Variants in FYN observed in about 807,000 individuals in gnomAD.
The protein encoded by FYN is FYN proto-oncogene, Src family tyrosine kinase.
In FYN, 10 loss-of-function variants were observed where a neutral mutation model predicts 70.2. The ratio of observed to expected loss-of-function variants is 0.14; its 90% CI spans 0.09 to 0.24. FYN has a LOEUF of 0.24. Ranked by LOEUF, FYN falls within the 10% of genes least tolerant of loss-of-function variation. The pLI is 1.00. For missense variants in FYN, 319 were observed against 673.1 expected (o/e 0.47, Z 5.82); for synonymous variants, 236 against 248.6 (o/e 0.95, Z 0.48).
chr6:111,780,266 T>C (rs1771123607), intron 3 of FYN, among the ~76,000 whole-genome samples: 1 of 152,340 alleles, frequency 6.6e-6, no homozygotes, highest in African/African-American at 2.4e-5. Flanking sequence ...ACTCTTATAT[T>C]ATATGGCTGG....
rs1798447658 is a variant in FYN, at chr6:111,674,451, A to G, written c.1405+48T>C. ...GGATGAAGTTTTCCCAAATGGTGTCAAAAAAGCCTCCAATCTCAGGCCCAT... is the reference window on the plus strand; with the variant it reads ...GGATGAAGTTTTCCCAAATGGTGTCGAAAAAGCCTCCAATCTCAGGCCCAT... On this transcript the variant is annotated intron_variant, in intron 13 of 13. Transcript: ENST00000354650. 6.4e-6 allele frequency: 10 copies of G among 1,560,480 alleles called. No homozygotes were observed. The East Asian group carries it at 2.3e-4, about 36-fold the overall frequency.
intron 2 of FYN, among the ~76,000 whole-genome samples, chr6:111,833,877 T>C (rs952051857): frequency 2.0e-5 from 3 of 152,190 alleles, no homozygotes; most frequent in African/African-American, 4.8e-5. Flanking sequence ...AGAATGTTCA[T>C]AGCACACTAT....
intron 2 of FYN, among the ~76,000 whole-genome samples, chr6:111,842,514 A>ATGTCCGC (rs1773393244): frequency 6.6e-6 from 1 of 152,092 alleles, no homozygotes. Flanking sequence ...TACACCCCAA[A>ATGTCCGC]GCCAATGTCC....
At chr6:111,853,414 T>TTG (rs760019834) in intron 1 of FYN, among the ~76,000 whole-genome samples, 35 of 151,872 alleles carry the variant, frequency 2.3e-4, no homozygotes, top group Admixed American at 7.2e-4. Flanking sequence ...AGAAAATACA[T>TTG]TGTGCAACTC....
chr6:111,666,307 G>A (rs1467400007), intron 13 of FYN, among the ~76,000 whole-genome samples: 1 of 152,194 alleles, frequency 6.6e-6, no homozygotes, highest in Non-Finnish European at 1.5e-5. Flanking sequence ...TGGCTGGCCA[G>A]TGGTGTCTGA....
chr6:111,722,194 T>A (rs1156822676), intron 3 of FYN, among the ~76,000 whole-genome samples: 1 of 152,184 alleles, frequency 6.6e-6, no homozygotes, highest in African/African-American at 2.4e-5. Flanking sequence ...GAATGTCAGT[T>A]CTTGAGAATG....
At chr6:111,719,772 C>T in intron 4 of FYN, 33 bp downstream of exon 4, 2 of 1,597,888 alleles carry the variant, frequency 1.3e-6, no homozygotes, top group South Asian at 2.2e-5. Flanking sequence ...GGTGGCTGCC[C>T]CCTCTCTGCA....
chr6:111,872,776 G>A (rs1774322209), intron 1 of FYN, among the ~76,000 whole-genome samples, 192 bp downstream of exon 1: 1 of 151,782 alleles, frequency 6.6e-6, no homozygotes, highest in African/African-American at 2.4e-5. Context: ...CACCCCGCAG[G>A]GGTGTCCTCC....
At chr6:111,664,897 T>C (rs1489685057) in intron 13 of FYN, among the ~76,000 whole-genome samples, 6 of 152,130 alleles carry the variant, frequency 3.9e-5, no homozygotes, top group Admixed American at 1.3e-4. Flanking sequence ...ACAATGACAA[T>C]TGGAATGGGA....
chr6:111,736,634 G>A (rs560227399), intron 3 of FYN, among the ~76,000 whole-genome samples: 3 of 152,290 alleles, frequency 2.0e-5, no homozygotes, highest in Non-Finnish European at 4.4e-5. Context: ...CCAGGAAACA[G>A]CTCTGCCATA....
At chr6:111,701,217 T>G (rs1157880452) in intron 8 of FYN, among the ~76,000 whole-genome samples, 1 of 152,212 alleles carries the variant, frequency 6.6e-6, no homozygotes, top group African/African-American at 2.4e-5. Context: ...CCTTTTAGAA[T>G]CTGGCAGTGC....
intron 12 of FYN, among the ~76,000 whole-genome samples, chr6:111,683,879 T>C (rs1312582851): frequency 6.6e-6 from 1 of 152,114 alleles, no homozygotes; most frequent in Non-Finnish European, 1.5e-5. Context: ...AACAAAACAA[T>C]GATTTCAAAC....
At chr6:111,729,757 G>A (rs1031876257) in intron 3 of FYN, among the ~76,000 whole-genome samples, 5 of 152,134 alleles carry the variant, frequency 3.3e-5, no homozygotes, top group African/African-American at 1.2e-4. Flanking sequence ...TCACATGATT[G>A]CAACTATATA....
At chr6:111,721,694 C>T (rs1011587908) in intron 3 of FYN, among the ~76,000 whole-genome samples, 13 of 151,892 alleles carry the variant, frequency 8.6e-5, no homozygotes, top group East Asian at 1.9e-4. Context: ...CGTGAACCAC[C>T]GTGACAGGCC....
chr6:111,781,794 ACT>A (rs1454864455), intron 2 of FYN, among the ~76,000 whole-genome samples: 1 of 152,166 alleles, frequency 6.6e-6, no homozygotes, highest in Non-Finnish European at 1.5e-5. Context: ...AACAGAGTAT[ACT>A]CTTATACAGT....
Position 111,694,756 on chromosome 6 carries a change from A to G in FYN, c.1043-52T>C, listed in dbSNP as rs774455447. 7.5e-6 allele frequency: 11 copies of G among 1,476,298 alleles called. No homozygotes were observed. Among genetic ancestry groups the G allele is most frequent in the Non-Finnish European group, 9.4e-6 (10 of 1,064,908 alleles). 91.4% of individuals were successfully genotyped at this position (1,476,298 alleles called of 1,614,324 possible). On this transcript the variant is annotated intron_variant, in intron 10 of 13. Transcript: ENST00000354650. This position sits in a 1 kb window ranked among gnomAD's most constrained non-coding sequence, Gnocchi z 5.0. ...AATTTACTTTGAAAGATAATTCCCAACAGAGAGCTGTATTTGGTTTTCTTA... is the reference window on the plus strand; with the variant it reads ...AATTTACTTTGAAAGATAATTCCCAGCAGAGAGCTGTATTTGGTTTTCTTA...
At chr6:111,846,297 T>C (rs1773525645) in intron 2 of FYN, among the ~76,000 whole-genome samples, 1 of 152,124 alleles carries the variant, frequency 6.6e-6, no homozygotes, top group South Asian at 2.1e-4. Context: ...GCTGTTCCAT[T>C]CTATTTCTGG....
chr6:111,844,252 A>C (rs1023464597), intron 2 of FYN, among the ~76,000 whole-genome samples: 1 of 152,252 alleles, frequency 6.6e-6, no homozygotes, highest in African/African-American at 2.4e-5. Context: ...AATAAAGCTA[A>C]TTTTCCACTT....
At chr6:111,814,081 T>A (rs1365981610) in intron 2 of FYN, 1 of 152,230 alleles carries the variant, frequency 6.6e-6, no homozygotes. Context: ...CCAGAGTGCC[T>A]CACTGCTGTC....
Sources: gnomAD v4.1 joint callset for allele counts (sites outside exome capture counted in the v4.1 genomes callset) on GRCh38, gnomAD v4.1.1 for gene constraint, Gnocchi (gnomAD v3.1) non-coding constraint, MANE v1.5 for transcripts, NCBI Gene and HGNC (gene_info 2026-07-23, HGNC 2026-07-21) for gene names.